Variants in RASSF3 observed in about 807,000 individuals in gnomAD.
RASSF3 encodes ras association domain-containing protein 3.
RASSF3 carries 19 observed loss-of-function variants against 19.9 expected under a neutral mutation model. That is an observed-to-expected ratio of 0.96 (90% CI 0.67 to 1.40). The LOEUF is 1.40. Ranked by LOEUF, RASSF3 falls within the 40% of genes most tolerant of loss-of-function variation. The pLI is 0.00. For missense variants in RASSF3, 306 were observed against 289.8 expected (o/e 1.06, Z -0.41); for synonymous variants, 110 against 104.2 (o/e 1.06, Z -0.34).
chr12:64,636,825 A>C (rs1363798514), intron 1 of RASSF3, among the ~76,000 whole-genome samples: 1 of 149,540 alleles, frequency 6.7e-6, no homozygotes, highest in East Asian at 2.0e-4. Flanking sequence ...AAATCGCGCC[A>C]TTGCACTCCA....
At chr12:64,631,912 G>T (rs1206704731) in intron 1 of RASSF3, among the ~76,000 whole-genome samples, 1 of 152,082 alleles carries the variant, frequency 6.6e-6, no homozygotes, top group Non-Finnish European at 1.5e-5. Context: ...GACTTCAATG[G>T]AAAGAAGACT....
intron 1 of RASSF3, among the ~76,000 whole-genome samples, chr12:64,539,570 G>A (rs1176153689): frequency 6.6e-6 from 1 of 152,160 alleles, no homozygotes. Flanking sequence ...GAGCCCAGGA[G>A]TTCAAGACCA....
At chr12:64,658,043 C>A (rs1165774431) in intron 1 of RASSF3, among the ~76,000 whole-genome samples, 1 of 152,098 alleles carries the variant, frequency 6.6e-6, no homozygotes, top group Non-Finnish European at 1.5e-5. Context: ...CAGAGCGAGA[C>A]CCTGTCTCTA....
At chr12:64,620,042 T>TGTGTGTGTGTGTGTAG in intron 1 of RASSF3, among the ~76,000 whole-genome samples, 1 of 37,134 alleles carries the variant, frequency 2.7e-5, no homozygotes, top group Non-Finnish European at 6.1e-5. Context: ...GTGTGTAGTT[T>TGTGTGTGTGTGTGTAG]TCTGAATTCA....
In RASSF3 at chr12:64,695,454, CAG is replaced by C. The variant is rs745416488; in HGVS notation, c.*546_*547del. ...GTGAAGGATTTTGTTAGGGGGTTGA[CAG>C]AGAAAGCAAAGTGTAAGTTTGGAAG... On this transcript the variant is annotated 3_prime_UTR_variant, in exon 5 of 5. Transcript: ENST00000542104. 4 of 152,630 alleles carry C rather than the reference CAG, an allele frequency of 2.6e-5. No individual in the cohort carries two copies. The highest frequency in any genetic ancestry group is 9.7e-5 in the African/African-American group (4 of 41,310). The allele number at this position is 152,630 out of a possible 1,614,324, so 9.5% of individuals were successfully genotyped here. A position where few individuals can be genotyped will look rare whatever the true frequency, so the allele number is the denominator to read the frequency against.
Position 64,552,075 on chromosome 12 carries a change from G to T in RASSF3, c.294+10370G>T, listed in dbSNP as rs543959638. Among the ~76,000 whole-genome samples the T allele has an allele frequency of 9.1e-4, 139 of 152,260 alleles. 2 individuals are homozygous for T. The South Asian group carries it at 0.027, about 30-fold the overall frequency. ...AGACCCTAAATTTAGGGGGGCCTTA[G>T]AGTTAGTTTTATTTAAATATTGTAA... On this transcript the variant is annotated intron_variant, in intron 2 of 5. Coordinates refer to the RASSF3 transcript ENST00000637125.
intron 1 of RASSF3, among the ~76,000 whole-genome samples, chr12:64,659,951 C>CGT (rs200835780): frequency 0.18 from 26,184 of 144,642 alleles, 2,336 homozygotes; most frequent in South Asian, 0.27. Context: ...TCATCTAATA[C>CGT]GTGTGTGTGT....
At chr12:64,517,016 A>G (rs1176551681) in intron 1 of RASSF3, among the ~76,000 whole-genome samples, 1 of 151,008 alleles carries the variant, frequency 6.6e-6, no homozygotes, top group East Asian at 1.9e-4. Flanking sequence ...AAAAAAAAAA[A>G]AAAAAGAAAG....
At chr12:64,569,370 A>T (rs1869481249) in intron 2 of RASSF3, among the ~76,000 whole-genome samples, 1 of 152,216 alleles carries the variant, frequency 6.6e-6, no homozygotes, top group Non-Finnish European at 1.5e-5. Context: ...GGTAGAGGGC[A>T]GGCTGGATTT....
In RASSF3 at chr12:64,597,742, G is replaced by A. The variant is rs146503337; in HGVS notation, c.294+56037G>A. Reference sequence around the variant, plus strand: ...CAAAGTGCCGGGATTACAGGCATGCGCCAACCACACCTAGCCTATTTTAAG... The same window carrying A: ...CAAAGTGCCGGGATTACAGGCATGCACCAACCACACCTAGCCTATTTTAAG... On this transcript the variant is annotated intron_variant, in intron 2 of 5. Coordinates refer to the RASSF3 transcript ENST00000637125. Among the ~76,000 whole-genome samples, 702 of 152,246 alleles carry A rather than the reference G, an allele frequency of 4.6e-3. 10 individuals carry two copies. Among genetic ancestry groups the A allele is most frequent in the African/African-American group, 0.016 (647 of 41,526 alleles).
intron 1 of RASSF3, among the ~76,000 whole-genome samples, chr12:64,624,242 C>T (rs941770565): frequency 1.3e-5 from 2 of 151,828 alleles, no homozygotes; most frequent in African/African-American, 4.9e-5. Context: ...TTAAAATTAA[C>T]ATTACAATGC....
intron 1 of RASSF3, among the ~76,000 whole-genome samples, chr12:64,647,104 G>A (rs1006404782): frequency 1.6e-4 from 24 of 152,088 alleles, no homozygotes; most frequent in African/African-American, 5.6e-4. Context: ...TAATAAAAAT[G>A]ATCTCTATGT....
intron 4 of RASSF3, among the ~76,000 whole-genome samples, 154 bp downstream of exon 4, chr12:64,691,733 G>GAGAAGAGAGTTGGGGGGC (rs1555217318): frequency 6.6e-6 from 1 of 152,154 alleles, no homozygotes; most frequent in Admixed American, 6.5e-5. Context: ...AGGGCAGGGA[G>GAGAAGAGAGTTGGGGGGC]AGGGAGAGGG....
intron 2 of RASSF3, among the ~76,000 whole-genome samples, chr12:64,602,946 A>G (rs1304181459): frequency 1.3e-5 from 2 of 151,944 alleles, no homozygotes; most frequent in African/African-American, 4.8e-5. Flanking sequence ...TAAAAATACA[A>G]AAATTAGCTG....
rs190556225 is a variant in RASSF3 at position 64,584,112 on chromosome 12, C to T, written c.294+42407C>T. 4.6e-5 allele frequency among the ~76,000 whole-genome samples: 7 copies of T among 152,308 alleles called. No individual in the cohort carries two copies. The East Asian group carries it at 5.8e-4, about 13-fold the overall frequency. ...AATTAAAACCTTCAGATCTCTCAGG[C>T]GTTTCCTTCCTCTGATTATAACTTA... On this transcript the variant is annotated intron_variant, in intron 2 of 5. Transcript: ENST00000637125.
At chr12:64,536,628 G>A (rs983579538) in intron 1 of RASSF3, among the ~76,000 whole-genome samples, 5 of 152,084 alleles carry the variant, frequency 3.3e-5, no homozygotes, top group African/African-American at 1.2e-4. Context: ...AGTCTTCAAA[G>A]GAGAAGCACA....
At position 64,695,896 on chromosome 12, in the gene RASSF3, C is replaced by G. The variant is rs542816594; in HGVS notation, c.*984C>G. On this transcript the variant is annotated 3_prime_UTR_variant, in exon 5 of 5. Transcript: ENST00000542104. The stretch of plus-strand genomic sequence containing the variant: ...GTTACATAGTGTATAGCTTTCCCCC[C>G]ACAGGTGGTTTTCAAAGTTGAGACG... 2.0e-5 allele frequency: 3 copies of G among 152,334 alleles called. No homozygotes were observed. The highest frequency in any genetic ancestry group is 2.1e-4 in the South Asian group (1 of 4,828). The allele number at this position is 152,334 out of a possible 1,614,324, so 9.4% of individuals were successfully genotyped here.
At chr12:64,565,379 C>A (rs1369936311) in intron 2 of RASSF3, among the ~76,000 whole-genome samples, 1 of 151,522 alleles carries the variant, frequency 6.6e-6, no homozygotes, top group Non-Finnish European at 1.5e-5. Context: ...GAGTTCAAGA[C>A]CAGGCTTGCC....
At chr12:64,554,266 A>G (rs1302744057) in intron 2 of RASSF3, among the ~76,000 whole-genome samples, 1 of 152,186 alleles carries the variant, frequency 6.6e-6, no homozygotes, top group Non-Finnish European at 1.5e-5. Context: ...TAATCCTGAC[A>G]AGAGCAAATT....
Sources: gnomAD v4.1 joint callset for allele counts (sites outside exome capture counted in the v4.1 genomes callset) on GRCh38, gnomAD v4.1.1 for gene constraint, MANE v1.5 for transcripts, NCBI Gene and HGNC (gene_info 2026-07-23, HGNC 2026-07-21) for gene names.